Variants in SKIC3 observed in about 807,000 individuals in gnomAD.
The protein encoded by SKIC3 is SKI3 subunit of superkiller complex, also known as superkiller complex protein 3.
At chr5:95,530,247 G>C in the SKIC3 span, 1 of 1,612,110 alleles carries the variant, frequency 6.2e-7, no homozygotes, top group South Asian at 1.1e-5. Context: ...TAAAAGGAAA[G>C]GTTATTAGTA....
chr5:95,494,486 T>C, the SKIC3 span, among the ~76,000 whole-genome samples: 1 of 152,204 alleles, frequency 6.6e-6, no homozygotes, highest in Non-Finnish European at 1.5e-5. Context: ...TTATATATTG[T>C]ATTAAACACT....
the SKIC3 span, chr5:95,478,323 C>T: frequency 6.2e-7 from 1 of 1,613,948 alleles, no homozygotes; most frequent in Non-Finnish European, 8.5e-7. Context: ...GTGCTAGTCT[C>T]AACAGACTTG....
the SKIC3 span, chr5:95,520,766 A>G: frequency 6.2e-7 from 1 of 1,612,234 alleles, no homozygotes; most frequent in Admixed American, 1.7e-5. Flanking sequence ...CTTTTCCATC[A>G]AGATAATCAA....
At chr5:95,523,881 ATGAG>A in the SKIC3 span, 5 of 1,540,510 alleles carry the variant, frequency 3.2e-6, no homozygotes, top group East Asian at 4.5e-5. Flanking sequence ...AGTTCATTTA[ATGAG>A]TATCTTTACA....
chr5:95,531,972 A>T, the SKIC3 span, among the ~76,000 whole-genome samples: 1 of 152,164 alleles, frequency 6.6e-6, no homozygotes, highest in Non-Finnish European at 1.5e-5. Context: ...AATAGGTAAC[A>T]GCTGAAAATT....
the SKIC3 span, among the ~76,000 whole-genome samples, chr5:95,533,733 C>T: frequency 6.6e-6 from 1 of 152,154 alleles, no homozygotes; most frequent in East Asian, 1.9e-4. Flanking sequence ...AACCAAGACA[C>T]TTTCTAATCA....
the SKIC3 span, among the ~76,000 whole-genome samples, chr5:95,514,030 C>T: frequency 1.3e-5 from 2 of 152,206 alleles, no homozygotes; most frequent in South Asian, 2.1e-4. Flanking sequence ...CACAGTAACG[C>T]CACTGCTCCC....
the SKIC3 span, chr5:95,520,797 A>AT: frequency 6.2e-7 from 1 of 1,611,640 alleles, no homozygotes; most frequent in South Asian, 1.1e-5. Context: ...TTTTGCCATC[A>AT]TAAGATGGCA....
the SKIC3 span, among the ~76,000 whole-genome samples, chr5:95,477,275 G>C: frequency 6.6e-6 from 1 of 152,162 alleles, no homozygotes; most frequent in Non-Finnish European, 1.5e-5. Context: ...GACTGACAGA[G>C]CAAGGAAGCA....
At chr5:95,547,425 C>T in the SKIC3 span, among the ~76,000 whole-genome samples, 5 of 152,214 alleles carry the variant, frequency 3.3e-5, no homozygotes, top group South Asian at 6.2e-4. Flanking sequence ...TTTCCGGAAC[C>T]CCTTCCATTG....
chr5:95,551,320 C>T, the SKIC3 span, among the ~76,000 whole-genome samples: 1 of 151,630 alleles, frequency 6.6e-6, no homozygotes, highest in East Asian at 1.9e-4. Flanking sequence ...TTTTGAAAAA[C>T]TGAATAAAGT....
the SKIC3 span, among the ~76,000 whole-genome samples, chr5:95,480,532 G>C: frequency 5.4e-4 from 82 of 152,232 alleles, no homozygotes; most frequent in Non-Finnish European, 1.1e-3. Flanking sequence ...CACCAAAATA[G>C]GGGAAAAACA....
the SKIC3 span, chr5:95,515,196 C>A: frequency 3.1e-5 from 12 of 384,588 alleles, no homozygotes; most frequent in South Asian, 2.7e-4. Context: ...AACTTTTAAC[C>A]AACCAATCAT....
chr5:95,488,778 G>A, the SKIC3 span, among the ~76,000 whole-genome samples: 1 of 151,124 alleles, frequency 6.6e-6, no homozygotes, highest in South Asian at 2.1e-4. Flanking sequence ...GAAGAGAAAG[G>A]ACACAAATGG....
At chr5:95,536,274 T>A in the SKIC3 span, among the ~76,000 whole-genome samples, 4 of 152,252 alleles carry the variant, frequency 2.6e-5, no homozygotes, top group African/African-American at 9.6e-5. Context: ...AATTACTTTA[T>A]AATATTACAG....
At chr5:95,537,524 T>C in the SKIC3 span, among the ~76,000 whole-genome samples, 1 of 152,250 alleles carries the variant, frequency 6.6e-6, no homozygotes, top group Non-Finnish European at 1.5e-5. Flanking sequence ...TTGAAGTATC[T>C]TCAATGATAG....
At chr5:95,464,491 C>T in the SKIC3 span, 1 of 800,134 alleles carries the variant, frequency 1.2e-6, no homozygotes, top group Non-Finnish European at 2.0e-6. Context: ...TCTCTAGATT[C>T]CTTTAGAAAA....
the SKIC3 span, among the ~76,000 whole-genome samples, chr5:95,551,768 A>G: frequency 6.6e-6 from 1 of 152,202 alleles, no homozygotes; most frequent in Non-Finnish European, 1.5e-5. Context: ...GATCAAAGCC[A>G]TTAGGCCTTG....
At chr5:95,543,495 T>G in the SKIC3 span, among the ~76,000 whole-genome samples, 13 of 152,098 alleles carry the variant, frequency 8.5e-5, no homozygotes, top group Non-Finnish European at 1.9e-4. Context: ...GGGGAAGGAG[T>G]TGGACTGTAG....
Sources: allele counts gnomAD v4.1 joint callset (sites outside exome capture counted in the v4.1 genomes callset), GRCh38; gene constraint gnomAD v4.1.1; transcripts MANE v1.5; gene names NCBI Gene and HGNC (gene_info 2026-07-23, HGNC 2026-07-21).